THSD7B: variants seen among roughly 807,000 people sequenced by gnomAD.
THSD7B encodes the protein thrombospondin type-1 domain-containing protein 7B.
THSD7B carries 138 observed loss-of-function variants against 213.6 expected under a neutral mutation model. The observed-to-expected ratio is 0.65, with a 90% CI of 0.56 to 0.74. The LOEUF (loss-of-function observed/expected upper bound fraction) is 0.74. THSD7B is among the 30% of genes least tolerant of loss of function. The pLI is 0.00. For missense variants in THSD7B, 1,931 were observed against 1,991.5 expected (o/e 0.97, Z 0.58); for synonymous variants, 742 against 687.0 (o/e 1.08, Z -1.25).
intron 12 of THSD7B, among the ~76,000 whole-genome samples, chr2:137,393,742 G>A (rs377624471): frequency 2.3e-5 from 3 of 128,768 alleles, no homozygotes; most frequent in Non-Finnish European, 3.5e-5. Flanking sequence ...CCACACTGAC[G>A]TCCACAATGG....
intron 11 of THSD7B, among the ~76,000 whole-genome samples, chr2:137,273,781 A>T (rs1315286228): frequency 6.6e-6 from 1 of 152,062 alleles, no homozygotes; most frequent in Non-Finnish European, 1.5e-5. Flanking sequence ...TTTTCTCATT[A>T]ACCACAGGGC....
intron 15 of THSD7B, among the ~76,000 whole-genome samples, chr2:137,490,757 A>G (rs1688586192): frequency 1.3e-5 from 2 of 152,250 alleles, no homozygotes; most frequent in South Asian, 4.1e-4. Context: ...AGTTTATCCT[A>G]CTAGGGTCTG....
chr2:136,848,876 T>C (rs1683051472), intron 1 of THSD7B, among the ~76,000 whole-genome samples: 1 of 152,010 alleles, frequency 6.6e-6, no homozygotes, highest in African/African-American at 2.4e-5. Flanking sequence ...TTTTACTCCC[T>C]TCTCTCTCAG....
At chr2:137,370,005 G>T (rs982193586) in intron 12 of THSD7B, among the ~76,000 whole-genome samples, 11 of 152,014 alleles carry the variant, frequency 7.2e-5, no homozygotes, top group Non-Finnish European at 1.6e-4. Flanking sequence ...ACTTTTTGTT[G>T]TGTCATTTTT....
intron 12 of THSD7B, among the ~76,000 whole-genome samples, chr2:137,292,864 T>A (rs1683368938): frequency 6.6e-6 from 1 of 152,132 alleles, no homozygotes; most frequent in Non-Finnish European, 1.5e-5. Flanking sequence ...AACTTCCTCA[T>A]TAGTTATTTC....
chr2:137,134,488 C>T (rs1027351181), intron 5 of THSD7B, among the ~76,000 whole-genome samples: 8 of 152,088 alleles, frequency 5.3e-5, no homozygotes, highest in African/African-American at 1.9e-4. Flanking sequence ...GCTGGAGCAG[C>T]AGTCCAGAGG....
chr2:137,574,394 C>T (rs1681417234), intron 17 of THSD7B, among the ~76,000 whole-genome samples: 1 of 152,082 alleles, frequency 6.6e-6, no homozygotes, highest in Admixed American at 6.6e-5. Context: ...TAGTTACTCA[C>T]TTGTCAGCAT....
At position 137,555,262 on chromosome 2, in the gene THSD7B, C is replaced by T. The variant is rs201556224; in HGVS notation, c.3139-7959C>T. Among the ~76,000 whole-genome samples, 52 of 152,300 alleles carry T rather than the reference C, an allele frequency of 3.4e-4. No homozygotes were observed. The East Asian group carries it at 9.7e-3, about 28-fold the overall frequency. On this transcript the variant is annotated intron_variant, in intron 15 of 27. Transcript: ENST00000409968. ...ACTGCCTCCGCAAGTGGGTCCCTGA[C>T]CCCCGAGTAGCCTATCTGGGAGGCA...
intron 12 of THSD7B, among the ~76,000 whole-genome samples, chr2:137,362,749 A>C (rs1685297403): frequency 6.6e-6 from 1 of 152,158 alleles, no homozygotes; most frequent in Non-Finnish European, 1.5e-5. Flanking sequence ...GTCCTTAGAG[A>C]CCTACAAAGA....
At chr2:137,065,290 T>C (rs771628554) in intron 3 of THSD7B, among the ~76,000 whole-genome samples, 1 of 152,076 alleles carries the variant, frequency 6.6e-6, no homozygotes, top group Non-Finnish European at 1.5e-5. Flanking sequence ...GTGGGATTAC[T>C]TTTTCATTTC....
chr2:137,121,704 C>T (rs1202041255), intron 5 of THSD7B, among the ~76,000 whole-genome samples: 3 of 152,154 alleles, frequency 2.0e-5, no homozygotes, highest in Non-Finnish European at 2.9e-5. Flanking sequence ...CCCTTAAAGG[C>T]CATGCTTGAC....
chr2:137,137,832 C>A (rs1304189378), intron 5 of THSD7B, among the ~76,000 whole-genome samples: 1 of 152,040 alleles, frequency 6.6e-6, no homozygotes, highest in African/African-American at 2.4e-5. Context: ...TTTACTTACT[C>A]ATTTTCTTCT....
At chr2:137,464,763 A>T (rs1687959073) in intron 15 of THSD7B, among the ~76,000 whole-genome samples, 2 of 152,092 alleles carry the variant, frequency 1.3e-5, no homozygotes, top group South Asian at 4.1e-4. Flanking sequence ...TTATTTATTT[A>T]TTTATTTATT....
intron 2 of THSD7B, among the ~76,000 whole-genome samples, chr2:136,931,344 G>T (rs144983190): frequency 6.6e-4 from 100 of 152,284 alleles, no homozygotes; most frequent in African/African-American, 2.4e-3. Context: ...AGGGAATATA[G>T]TAATCTGGTC....
chr2:137,601,050 G>A (rs958213746), intron 17 of THSD7B, among the ~76,000 whole-genome samples: 1 of 152,226 alleles, frequency 6.6e-6, no homozygotes. Context: ...ATTTTTGTTA[G>A]GCTATACAAC....
chr2:137,657,004 T>C (rs763675016), intron 23 of THSD7B, 35 bp downstream of exon 23: 17 of 1,613,370 alleles, frequency 1.1e-5, no homozygotes, highest in East Asian at 2.2e-5. Flanking sequence ...TTAGCCTTCA[T>C]TGATCAATGC....
At chr2:137,333,264 C>T (rs926316657) in intron 12 of THSD7B, among the ~76,000 whole-genome samples, 4 of 152,302 alleles carry the variant, frequency 2.6e-5, no homozygotes, top group Admixed American at 2.6e-4. Flanking sequence ...TCTACACCAC[C>T]ACTACTGTAG....
chr2:137,148,561 T>C (rs539941791), intron 5 of THSD7B, among the ~76,000 whole-genome samples: 6 of 152,292 alleles, frequency 3.9e-5, no homozygotes, highest in Middle Eastern at 3.4e-3. Flanking sequence ...TGGAACTTTC[T>C]AGAGACTTGT....
chr2:136,795,634 A>G (rs1682047102), intron 1 of THSD7B, among the ~76,000 whole-genome samples: 1 of 152,074 alleles, frequency 6.6e-6, no homozygotes, highest in South Asian at 2.1e-4. Context: ...TTGACTATTC[A>G]TCCATTTATA....
Sources: gnomAD v4.1 joint callset for allele counts (sites outside exome capture counted in the v4.1 genomes callset) on GRCh38, gnomAD v4.1.1 for gene constraint, MANE v1.5 for transcripts, NCBI Gene and HGNC (gene_info 2026-07-23, HGNC 2026-07-21) for gene names.